Variants in GLIS1 observed in about 807,000 individuals in gnomAD.
The protein encoded by GLIS1 is zinc finger protein GLIS1.
A neutral mutation model predicts 63.8 loss-of-function variants in GLIS1; 24 were observed. That is an observed-to-expected ratio of 0.38 (90% CI 0.27 to 0.53). The LOEUF is 0.53. Ranked by LOEUF, GLIS1 falls within the 20% of genes least tolerant of loss-of-function variation. The pLI, the probability that GLIS1 is intolerant of heterozygous loss-of-function variation, is 0.85. For synonymous variants in GLIS1, 450 were observed against 482.5 expected (o/e 0.93, Z 0.88); for missense variants, 1,036 against 1,074.1 (o/e 0.96, Z 0.50).
At chr1:53,663,415 G>T (rs1245007269) in intron 2 of GLIS1, among the ~76,000 whole-genome samples, 3 of 152,162 alleles carry the variant, frequency 2.0e-5, no homozygotes, top group Admixed American at 6.5e-5. Flanking sequence ...GGGTGCCAGG[G>T]GCCATGCTGA....
intron 4 of GLIS1, among the ~76,000 whole-genome samples, chr1:53,552,754 G>A (rs11206171): frequency 0.19 from 28,545 of 152,200 alleles, 3,246 homozygotes; most frequent in East Asian, 0.53. Context: ...CCACGGGCTG[G>A]CAGCCCCACA....
chr1:53,650,378 T>C (rs563176820), intron 2 of GLIS1, among the ~76,000 whole-genome samples: 2 of 152,218 alleles, frequency 1.3e-5, no homozygotes, highest in South Asian at 4.2e-4. Flanking sequence ...TCACCTGAAG[T>C]CAGGAGTTCA....
At chr1:53,664,520 A>G (rs1646066941) in intron 2 of GLIS1, among the ~76,000 whole-genome samples, 1 of 152,258 alleles carries the variant, frequency 6.6e-6, no homozygotes, top group African/African-American at 2.4e-5. Context: ...CAATATGGGC[A>G]AAGTTCTAAG....
In GLIS1 at chr1:53,564,878, C is replaced by G. The variant is rs138606432; in HGVS notation, c.1320+29230G>C. Among the ~76,000 whole-genome samples the G allele has an allele frequency of 6.3e-4, 96 of 152,042 alleles. No homozygotes were observed. In the East Asian group the frequency reaches 0.012, roughly 20 times the overall value. On this transcript the variant is annotated intron_variant, in intron 4 of 10. Coordinates refer to ENST00000628545, the MANE Select transcript of GLIS1 (RefSeq NM_001367484.1). ...GTGGTAAATTTCAACACCTTTCTTT[C>G]AATTACTAACACATTAAACAAAGAA...
At chr1:53,584,461 C>G (rs746368870) in intron 4 of GLIS1, among the ~76,000 whole-genome samples, 1 of 152,222 alleles carries the variant, frequency 6.6e-6, no homozygotes, top group Non-Finnish European at 1.5e-5. Context: ...GAGCCCAGCT[C>G]TCATGACATC....
At chr1:53,620,046 T>G (rs1160323113) in intron 2 of GLIS1, among the ~76,000 whole-genome samples, 2 of 152,172 alleles carry the variant, frequency 1.3e-5, no homozygotes, top group African/African-American at 4.8e-5. Context: ...GGTTTATGAG[T>G]GTGTCTCAAA....
chr1:53,596,092 C>T (rs1246109645), intron 3 of GLIS1, among the ~76,000 whole-genome samples: 2 of 152,230 alleles, frequency 1.3e-5, no homozygotes, highest in Admixed American at 6.5e-5. Flanking sequence ...CCCATGAGAG[C>T]GAGGGTGGTG....
intron 4 of GLIS1, among the ~76,000 whole-genome samples, chr1:53,587,972 T>C (rs527705053): frequency 3.9e-4 from 59 of 152,340 alleles, no homozygotes; most frequent in African/African-American, 1.4e-3. Flanking sequence ...GACCCCACCA[T>C]GCATTTGGGA....
intron 3 of GLIS1, among the ~76,000 whole-genome samples, chr1:53,597,740 G>A (rs574998376): frequency 2.6e-5 from 4 of 152,224 alleles, no homozygotes; most frequent in Non-Finnish European, 4.4e-5. Flanking sequence ...GAAAATGAGC[G>A]AGTCTGAAAG....
At chr1:53,722,808 G>A (rs1646769020) in intron 2 of GLIS1, among the ~76,000 whole-genome samples, 1 of 151,336 alleles carries the variant, frequency 6.6e-6, no homozygotes. Flanking sequence ...ACTCCACCCT[G>A]GGCGACAGTG....
intron 2 of GLIS1, among the ~76,000 whole-genome samples, chr1:53,688,385 C>T (rs1049261054): frequency 6.6e-6 from 1 of 152,142 alleles, no homozygotes; most frequent in Admixed American, 6.5e-5. Flanking sequence ...GCTCTCCCCT[C>T]GTGCAGCTGT....
chr1:53,588,493 C>T (rs1645158123), intron 4 of GLIS1, among the ~76,000 whole-genome samples: 1 of 152,214 alleles, frequency 6.6e-6, no homozygotes, highest in African/African-American at 2.4e-5. Context: ...CCTGACCACC[C>T]TCTCTGGGTC....
chr1:53,627,654 G>A (rs924010123), intron 2 of GLIS1, among the ~76,000 whole-genome samples: 5 of 152,158 alleles, frequency 3.3e-5, no homozygotes, highest in South Asian at 2.1e-4. Context: ...AATGGATTTC[G>A]GTTTTGTTCG....
intron 2 of GLIS1, among the ~76,000 whole-genome samples, chr1:53,698,641 T>C (rs1646491543): frequency 6.6e-6 from 1 of 152,174 alleles, no homozygotes; most frequent in Non-Finnish European, 1.5e-5. Context: ...GCCACCTGGG[T>C]CCGGGTAGAC....
chr1:53,655,780 G>C (rs1370418118), intron 2 of GLIS1, among the ~76,000 whole-genome samples: 1 of 152,156 alleles, frequency 6.6e-6, no homozygotes, highest in African/African-American at 2.4e-5. Flanking sequence ...CCTTGTGCTG[G>C]TTTACTTGTT....
At chr1:53,681,836 C>A (rs1342974554) in intron 2 of GLIS1, among the ~76,000 whole-genome samples, 1 of 130,814 alleles carries the variant, frequency 7.6e-6, no homozygotes, top group African/African-American at 3.5e-5. Flanking sequence ...TGGGACTGAA[C>A]CCCCTCTCTC....
Position 53,511,573 on chromosome 1 carries a change from C to T in GLIS1, c.1884-1546G>A, listed in dbSNP as rs1644298487. Reference sequence around the variant, plus strand: ...GGTCCCTGGCCCGGCCACTGATACACTGTGGGTCCCTGTCACTGTTTTAAG... The same window carrying T: ...GGTCCCTGGCCCGGCCACTGATACATTGTGGGTCCCTGTCACTGTTTTAAG... On this transcript the variant is annotated intron_variant, in intron 8 of 10. Transcript: ENST00000628545. The surrounding 1 kb of genome is among the most constrained non-coding windows in gnomAD (Gnocchi z 4.2). 6.6e-6 allele frequency among the ~76,000 whole-genome samples: 1 copy of T among 152,188 alleles called. No homozygotes were observed. The highest frequency in any genetic ancestry group is 1.5e-5 in the Non-Finnish European group (1 of 68,012).
chr1:53,530,445 C>T (rs532935223), intron 4 of GLIS1, among the ~76,000 whole-genome samples: 5 of 152,328 alleles, frequency 3.3e-5, no homozygotes, highest in African/African-American at 1.2e-4. Context: ...GTGGCCACCA[C>T]TCAAGGCTGA....
At chr1:53,559,638 G>C (rs542017462) in intron 4 of GLIS1, among the ~76,000 whole-genome samples, 6 of 152,162 alleles carry the variant, frequency 3.9e-5, no homozygotes, top group African/African-American at 1.2e-4. Context: ...ATGCGGGACA[G>C]AGCCTGGTCC....
Sources: allele counts gnomAD v4.1 joint callset (sites outside exome capture counted in the v4.1 genomes callset), GRCh38; gene constraint gnomAD v4.1.1; non-coding constraint Gnocchi (gnomAD v3.1); transcripts MANE v1.5; gene names NCBI Gene and HGNC (gene_info 2026-07-23, HGNC 2026-07-21).